Variants in IL17RD observed in about 807,000 individuals in gnomAD.
The protein encoded by IL17RD is interleukin 17 receptor D.
In IL17RD, 52 loss-of-function variants were observed where a neutral mutation model predicts 80.5. The ratio of observed to expected loss-of-function variants is 0.65; its 90% confidence interval spans 0.52 to 0.81. IL17RD has a LOEUF of 0.81. Among genes scored for constraint, IL17RD ranks in the 40% least tolerant of loss-of-function variants. The pLI is 0.00. For synonymous variants in IL17RD, 416 were observed against 391.8 expected (o/e 1.06, Z -0.73); for missense variants, 1,024 against 955.1 (o/e 1.07, Z -0.95).
At chr3:57,127,130 A>G (rs1282518475) in intron 1 of IL17RD, among the ~76,000 whole-genome samples, 2 of 145,906 alleles carry the variant, frequency 1.4e-5, no homozygotes, top group Non-Finnish European at 1.5e-5. Context: ...CGGCCGGAAG[A>G]TGGGTTTTTT....
rs557162738 is a variant in IL17RD, at chr3:57,146,039, G to A, written c.126+19122C>T. ...CGCGCACACACACACTCACGCGCGC[G>A]CGCGCGCACACACACACACACTGAT... On this transcript the variant is annotated intron_variant, in intron 1 of 12. Coordinates refer to ENST00000296318, the MANE Select transcript of IL17RD (RefSeq NM_017563.5). Among the ~76,000 whole-genome samples the A allele has an allele frequency of 3.1e-3, 455 of 148,024 alleles. 2 individuals are homozygous for A. The highest frequency in any genetic ancestry group is 2.4e-3 in the Non-Finnish European group (162 of 66,920).
In IL17RD at chr3:57,109,408, G is replaced by C. The variant is rs559640119; in HGVS notation, c.550+129C>G. 8.6e-6 allele frequency: 8 copies of C among 933,230 alleles called. No homozygotes were observed. In the South Asian group the frequency reaches 1.4e-4, roughly 16 times the overall value. 57.8% of individuals were successfully genotyped at this position (933,230 alleles called of 1,614,324 possible). ...GATCTGCCTGCCTCGGCCTCCCAAA[G>C]TGCTGGGATTAGAGGTGTGAGCCAC... is the stretch of plus-strand genomic sequence containing the variant. On this transcript the variant is annotated intron_variant, in intron 5 of 12. Coordinates refer to ENST00000296318, the MANE Select transcript of IL17RD (RefSeq NM_017563.5).
At chr3:57,157,330 G>A (rs1419206320) in intron 1 of IL17RD, among the ~76,000 whole-genome samples, 1 of 152,112 alleles carries the variant, frequency 6.6e-6, no homozygotes, top group East Asian at 1.9e-4. Flanking sequence ...AGAGGACGGG[G>A]AGTGCTCGGT....
At chr3:57,153,001 C>T (rs1252400116) in intron 1 of IL17RD, among the ~76,000 whole-genome samples, 2 of 152,218 alleles carry the variant, frequency 1.3e-5, no homozygotes, top group Non-Finnish European at 2.9e-5. Context: ...ACATCTATAA[C>T]TGCAACAAGC....
chr3:57,103,248 G>A lies in IL17RD; in HGVS notation c.814-103C>T, dbSNP rs1278747924. 15 of 988,996 alleles carry A rather than the reference G, an allele frequency of 1.5e-5. No individual in the cohort carries two copies. In the African/African-American group the frequency reaches 2.1e-4, roughly 14 times the overall value. The allele number at this position is 988,996 out of a possible 1,614,324, so 61.3% of individuals were successfully genotyped here. On this transcript the variant is annotated intron_variant, in intron 8 of 12. Transcript: ENST00000296318. ...TTCATCTTTTCCATCAGTGGGCAGTGCGGGAAGGGGTGGGAAGCAAGCAGT... is the reference window on the plus strand; with the variant it reads ...TTCATCTTTTCCATCAGTGGGCAGTACGGGAAGGGGTGGGAAGCAAGCAGT...
At position 57,092,951 on chromosome 3, in the gene IL17RD, A is replaced by G. The variant is rs1413232962; in HGVS notation, c.*3442T>C. 1 of 152,168 alleles carries G rather than the reference A, an allele frequency of 6.6e-6. No homozygotes were observed. Among genetic ancestry groups the G allele is most frequent in the Non-Finnish European group, 1.5e-5 (1 of 68,028 alleles). 9.4% of individuals were successfully genotyped at this position (152,168 alleles called of 1,614,324 possible). ...TCTAAATTCACTTGAATTTTAACTTAGTTGCCAATATTTTTTAAAATCAGA... is the reference window on the plus strand; with the variant it reads ...TCTAAATTCACTTGAATTTTAACTTGGTTGCCAATATTTTTTAAAATCAGA... On this transcript the variant is annotated 3_prime_UTR_variant, in exon 13 of 13. Transcript: ENST00000296318.
chr3:57,163,225 A>G (rs923481873), intron 1 of IL17RD, among the ~76,000 whole-genome samples: 1 of 152,172 alleles, frequency 6.6e-6, no homozygotes, highest in Non-Finnish European at 1.5e-5. Context: ...CCAGGAGGCG[A>G]ATGAGGATGA....
At chr3:57,098,732 T>C (rs867783962) in intron 11 of IL17RD, among the ~76,000 whole-genome samples, 194 bp from the exon 12 acceptor site, 4 of 152,220 alleles carry the variant, frequency 2.6e-5, no homozygotes, top group Non-Finnish European at 4.4e-5. Context: ...GGTCACACCC[T>C]AGTCCCTCTG....
At chr3:57,150,995 C>T (rs1361346944) in intron 1 of IL17RD, among the ~76,000 whole-genome samples, 2 of 152,220 alleles carry the variant, frequency 1.3e-5, no homozygotes, top group African/African-American at 4.8e-5. Context: ...ACAAGAAATG[C>T]TATCATTTAA....
Position 57,157,077 on chromosome 3 carries a change from T to C in IL17RD, c.126+8084A>G, listed in dbSNP as rs182165864. Among the ~76,000 whole-genome samples, 63 of 152,164 alleles carry C rather than the reference T, an allele frequency of 4.1e-4. No homozygotes were observed. In the East Asian group the frequency reaches 9.9e-3, roughly 24 times the overall value. On this transcript the variant is annotated intron_variant, in intron 1 of 12. Transcript: ENST00000296318. ...CACATGGGAAAGCTAGAGAGTGGTA[T>C]GGAGAAGCCTCACAGAGAAAAGGGG...
chr3:57,161,840 GGT>G (rs141383942), intron 1 of IL17RD, among the ~76,000 whole-genome samples: 4,077 of 152,308 alleles, frequency 0.027, 86 homozygotes, highest in South Asian at 0.047. Context: ...AAATGAGGAT[GGT>G]GTGGTCCCTC....
At chr3:57,114,534 C>T (rs973794760) in intron 3 of IL17RD, among the ~76,000 whole-genome samples, 158 bp downstream of exon 3, 3 of 152,184 alleles carry the variant, frequency 2.0e-5, no homozygotes, top group African/African-American at 7.2e-5. Flanking sequence ...ATGTGTACGC[C>T]CAGCAAATAT....
At chr3:57,130,597 G>A (rs9871594) in intron 1 of IL17RD, among the ~76,000 whole-genome samples, 14,944 of 152,164 alleles carry the variant, frequency 0.098, 2,457 homozygotes, top group African/African-American at 0.34. Flanking sequence ...AGTCAGCCCA[G>A]AGGTGAAGCC....
intron 1 of IL17RD, among the ~76,000 whole-genome samples, chr3:57,140,606 A>T (rs1707810301): frequency 6.6e-6 from 1 of 152,218 alleles, no homozygotes; most frequent in Non-Finnish European, 1.5e-5. Flanking sequence ...ACAGATGTAC[A>T]TCCATAGCCC....
chr3:57,118,832 TAGA>T (rs1250160497), intron 2 of IL17RD, among the ~76,000 whole-genome samples: 2 of 152,178 alleles, frequency 1.3e-5, no homozygotes, highest in Non-Finnish European at 2.9e-5. Flanking sequence ...AAAATGATGC[TAGA>T]AGAAGGAAAC....
At chr3:57,142,577 G>A (rs1707851203) in intron 1 of IL17RD, 7 of 1,133,338 alleles carry the variant, frequency 6.2e-6, no homozygotes, top group African/African-American at 1.6e-5. Flanking sequence ...GGGCCTGGCT[G>A]ACCGCTGTGT....
chr3:57,097,627 C>T lies in IL17RD; in HGVS notation c.2076G>A (p.Leu692=), dbSNP rs528865837. 6.3e-7 allele frequency: 1 copy of T among 1,588,552 alleles called. No individual in the cohort carries two copies. The highest frequency in any genetic ancestry group is 8.6e-7 in the Non-Finnish European group (1 of 1,167,904). ...CTGAAGAGGAGGACACGCTCTCCGT[C>T]AGGGAAGACGTTTCTGTCTGGTCCG... ...LSTDQTETSS[L]TESVSSSSGL... The change falls in exon 12 of 13, where the codon CTG becomes CTA. Residue 692 remains leucine (L), a synonymous_variant. Coordinates refer to ENST00000296318, the MANE Select transcript of IL17RD (RefSeq NM_017563.5).
At chr3:57,160,142 A>T (rs1473355138) in intron 1 of IL17RD, among the ~76,000 whole-genome samples, 1 of 152,186 alleles carries the variant, frequency 6.6e-6, no homozygotes, top group Non-Finnish European at 1.5e-5. Flanking sequence ...AATGCACTCC[A>T]GCCTGGGCTC....
intron 1 of IL17RD, among the ~76,000 whole-genome samples, chr3:57,146,859 C>T (rs1284936488): frequency 7.2e-6 from 1 of 138,872 alleles, no homozygotes; most frequent in Non-Finnish European, 1.5e-5. Flanking sequence ...TCTCTGTCGC[C>T]CAGACTGGAG....
Sources: allele counts gnomAD v4.1 joint callset (sites outside exome capture counted in the v4.1 genomes callset), GRCh38; gene constraint gnomAD v4.1.1; transcripts MANE v1.5; gene names NCBI Gene and HGNC (gene_info 2026-07-23, HGNC 2026-07-21).